The following ARL2 variants were observed in gnomAD, a reference collection of about 807,000 sequenced individuals.
ARL2 encodes ADP-ribosylation factor-like protein 2.
In ARL2, 11 loss-of-function variants were observed where a neutral mutation model predicts 22.0. The observed-to-expected ratio is 0.50, with a 90% CI of 0.31 to 0.83. ARL2 has a LOEUF of 0.83. Among genes scored for constraint, ARL2 ranks in the 40% least tolerant of loss-of-function variants. The probability of loss-of-function intolerance (pLI) is 0.04; values close to 1 mark genes in which losing one functional copy is unlikely to be tolerated. For missense variants in ARL2, 216 were observed against 243.2 expected, an observed-to-expected ratio of 0.89 and a Z score of 0.74; for synonymous variants, 111 against 100.8, an observed-to-expected ratio of 1.10 and a Z score of -0.61.
Position 65,021,898 on chromosome 11 carries a change from C to T in ARL2, c.*43C>T. ...CCACCTAGCAGTCCAGGTCCCTCAA[C>T]CTTCACCAAACACTACCCATGGGGG... is the stretch of plus-strand genomic sequence containing the variant. On this transcript the variant is annotated 3_prime_UTR_variant, in exon 5 of 5. Transcript: ENST00000246747. The T allele has an allele frequency of 1.3e-6, 2 of 1,592,180 alleles. No individual in the cohort carries two copies. The highest frequency in any genetic ancestry group is 1.7e-6 in the Non-Finnish European group (2 of 1,168,786).
rs751817327 is a variant in ARL2, at chr11:65,014,165, G to C, written c.-43G>C. Reference sequence around the variant, plus strand: ...CAACAGGAACCGGGAGCGGGGTCCCGGGACTGGGAAGAAACGGCGGCCGGG... The same window carrying C: ...CAACAGGAACCGGGAGCGGGGTCCCCGGACTGGGAAGAAACGGCGGCCGGG... On this transcript the variant is annotated 5_prime_UTR_variant, in exon 1 of 5. Coordinates refer to ENST00000246747, the MANE Select transcript of ARL2 (RefSeq NM_001667.4). The C allele has an allele frequency of 2.3e-5, 34 of 1,486,174 alleles. No homozygotes were observed. The highest frequency in any genetic ancestry group is 3.0e-5 in the Non-Finnish European group (33 of 1,103,364). 92.1% of individuals were successfully genotyped at this position (1,486,174 alleles called of 1,614,324 possible).
Position 65,018,995 on chromosome 11 carries a change from C to A in ARL2, c.339+262C>A. The A allele has an allele frequency of 7.1e-7, 1 of 1,415,420 alleles. No homozygotes were observed. Among genetic ancestry groups the A allele is most frequent in the Non-Finnish European group, 9.4e-7 (1 of 1,063,468 alleles). The allele number at this position is 1,415,420 out of a possible 1,614,324, so 87.7% of individuals were successfully genotyped here. ...GAAATGGTGATGATGACACCCACAT[C>A]ACTGGGCTTTAGGGAGGATAACCCA... On this transcript the variant is annotated intron_variant, in intron 3 of 4. Coordinates refer to ENST00000246747, the MANE Select transcript of ARL2 (RefSeq NM_001667.4). The surrounding 1 kb of genome is among the most constrained non-coding windows in gnomAD (Gnocchi z 4.2).
rs1188714826 is a variant in ARL2, at chr11:65,021,781, A to T, written c.481A>T (p.Thr161Ser). The change falls in exon 5 of 5, where the codon ACC becomes TCC. Residue 161 changes from threonine (T) to serine (S), a missense_variant. By Grantham distance (58) the Thr-to-Ser change is moderately conservative. Coordinates refer to ENST00000246747, the MANE Select transcript of ARL2 (RefSeq NM_001667.4). ...HWCIQGCSAV[T>S]GENLLPGIDW... Reference sequence around the variant, plus strand: ...GTGCATCCAGGGCTGCAGCGCCGTCACCGGGGAGAACCTGCTGCCGGGCAT... The same window carrying T: ...GTGCATCCAGGGCTGCAGCGCCGTCTCCGGGGAGAACCTGCTGCCGGGCAT... 1 of 1,613,060 alleles carries T rather than the reference A, an allele frequency of 6.2e-7. No individual in the cohort carries two copies. The highest frequency in any genetic ancestry group is 8.5e-7 in the Non-Finnish European group (1 of 1,179,930).
intron 1 of ARL2, among the ~76,000 whole-genome samples, chr11:65,014,884 G>A (rs1012423536): frequency 6.6e-6 from 1 of 152,246 alleles, no homozygotes; most frequent in Non-Finnish European, 1.5e-5. Context: ...GGCTCCGCGG[G>A]GGAATGGCTG....
intron 1 of ARL2, among the ~76,000 whole-genome samples, chr11:65,017,904 T>C (rs1946277494): frequency 6.6e-6 from 1 of 152,246 alleles, no homozygotes; most frequent in Non-Finnish European, 1.5e-5. Context: ...TTCAAAAAGC[T>C]TGCTCCTTGT....
Position 65,018,699 on chromosome 11 carries a change from G to T in ARL2, c.305G>T (p.Cys102Phe). 1 of 1,614,160 alleles carries T rather than the reference G, an allele frequency of 6.2e-7. No homozygotes were observed. The change falls in exon 3 of 5, where the codon TGC (cysteine) becomes TTC (phenylalanine). Residue 102 changes from cysteine to phenylalanine, a missense_variant. Cys to Phe is a radical substitution (Grantham distance 205). Coordinates refer to ENST00000246747, the MANE Select transcript of ARL2 (RefSeq NM_001667.4). This position sits in a 1 kb window ranked among gnomAD's most constrained non-coding sequence, Gnocchi z 4.2. ...GCAGACCGCCAGCGCATGCAGGACT[G>T]CCAGCGGGAGCTCCAGAGCCTGCTG... is the stretch of plus-strand genomic sequence containing the variant. ...DSADRQRMQD[C>F]QRELQSLLVE...
intron 4 of ARL2, among the ~76,000 whole-genome samples, chr11:65,020,869 C>CAAAAAAAAAAAAA (rs58186585): frequency 1.5e-5 from 1 of 68,096 alleles, no homozygotes; most frequent in South Asian, 4.3e-4. Flanking sequence ...GACTTCGTCT[C>CAAAAAAAAAAAAA]AAAAAAAAAA....
At chr11:65,019,111 C>T (rs1590731254) in intron 3 of ARL2, 1 of 416,274 alleles carries the variant, frequency 2.4e-6, no homozygotes, top group East Asian at 7.0e-5. Context: ...GTGGCACGCA[C>T]CTATAGTCCT....
intron 1 of ARL2, among the ~76,000 whole-genome samples, chr11:65,014,907 G>T (rs1312608090): frequency 6.6e-6 from 1 of 152,230 alleles, no homozygotes; most frequent in Non-Finnish European, 1.5e-5. Context: ...GAGATAAGAC[G>T]CTTACGTGCA....
At chr11:65,014,790 T>G (rs1000042185) in intron 1 of ARL2, among the ~76,000 whole-genome samples, 4 of 152,184 alleles carry the variant, frequency 2.6e-5, no homozygotes, top group African/African-American at 9.7e-5. Flanking sequence ...AGGATGTGTG[T>G]GTGTGGGCCC....
At position 65,020,525 on chromosome 11, in the gene ARL2, C is replaced by T. The variant is rs560909889; in HGVS notation, c.420+26C>T. ...GTGAGTCCAGGCCCCGGGACAGGCTCGCTGAGGGAAAGGGGCATACATTTA... is the reference window on the plus strand; with the variant it reads ...GTGAGTCCAGGCCCCGGGACAGGCTTGCTGAGGGAAAGGGGCATACATTTA... On this transcript the variant is annotated intron_variant, in intron 4 of 4. Coordinates refer to ENST00000246747, the MANE Select transcript of ARL2 (RefSeq NM_001667.4). 22 of 1,575,532 alleles carry T rather than the reference C, an allele frequency of 1.4e-5. 1 individual carries two copies. The highest frequency in any genetic ancestry group is 9.1e-5 in the South Asian group (8 of 87,740).
chr11:65,021,881 C>T lies in ARL2; in HGVS notation c.*26C>T. ...ACCACTCCAGATGCCCCCCACCTAG[C>T]AGTCCAGGTCCCTCAACCTTCACCA... is the stretch of plus-strand genomic sequence containing the variant. On this transcript the variant is annotated 3_prime_UTR_variant, in exon 5 of 5. Transcript: ENST00000246747. 8.1e-6 allele frequency: 13 copies of T among 1,601,524 alleles called. No homozygotes were observed. The highest frequency in any genetic ancestry group is 1.1e-5 in the Non-Finnish European group (13 of 1,173,572).
chr11:65,018,237 T>G lies in ARL2; in HGVS notation c.66-127T>G. ...ACTTTCATATTTATTGTGGGCCGAT[T>G]ATGGTCAGGCATGTGCTCAACTCAG... On this transcript the variant is annotated intron_variant, in intron 1 of 4. Coordinates refer to ENST00000246747, the MANE Select transcript of ARL2 (RefSeq NM_001667.4). This position sits in a 1 kb window ranked among gnomAD's most constrained non-coding sequence, Gnocchi z 4.2. 1 of 692,156 alleles carries G rather than the reference T, an allele frequency of 1.4e-6. No individual in the cohort carries two copies. Among genetic ancestry groups the G allele is most frequent in the Non-Finnish European group, 2.4e-6 (1 of 411,752 alleles). The allele number at this position is 692,156 out of a possible 1,614,324, so 42.9% of individuals were successfully genotyped here.
At chr11:65,021,648 G>T (rs2136913783) in intron 4 of ARL2, 73 bp from the exon 5 acceptor site, 1 of 1,500,718 alleles carries the variant, frequency 6.7e-7, no homozygotes, top group East Asian at 2.4e-5. Flanking sequence ...CTCTGGGCTG[G>T]GGAGGGAAGG....
At chr11:65,021,546 T>G in intron 4 of ARL2, 175 bp from the exon 5 acceptor site, 1 of 698,950 alleles carries the variant, frequency 1.4e-6, no homozygotes, top group Non-Finnish European at 2.3e-6. Flanking sequence ...AGAGCCCAGG[T>G]GCCCCTGGGG....
chr11:65,018,539 G>A lies in ARL2; in HGVS notation c.177-32G>A, dbSNP rs750050216. The A allele has an allele frequency of 1.2e-6, 2 of 1,602,042 alleles. No individual in the cohort carries two copies. Among genetic ancestry groups the A allele is most frequent in the South Asian group, 2.2e-5 (2 of 89,336 alleles). On this transcript the variant is annotated intron_variant, in intron 2 of 4. Coordinates refer to ENST00000246747, the MANE Select transcript of ARL2 (RefSeq NM_001667.4). The surrounding 1 kb of genome is among the most constrained non-coding windows in gnomAD (Gnocchi z 4.2). The stretch of plus-strand genomic sequence containing the variant: ...GCAGGGAAGGTGGGAGAGGGGCCCA[G>A]CTGACCCTCCTGTCACCCGCTCCTT...
chr11:65,021,208 T>C (rs1289787890), intron 4 of ARL2, among the ~76,000 whole-genome samples: 7 of 152,218 alleles, frequency 4.6e-5, no homozygotes, highest in African/African-American at 1.7e-4. Context: ...AGCCACTAAA[T>C]AGACAGGAAG....
At chr11:65,017,633 C>T (rs1590730051) in intron 1 of ARL2, among the ~76,000 whole-genome samples, 2 of 152,246 alleles carry the variant, frequency 1.3e-5, no homozygotes, top group African/African-American at 4.8e-5. Context: ...TAAGGCTGGG[C>T]CTCAGGGGAA....
chr11:65,021,921 G>A lies in ARL2; in HGVS notation c.*66G>A, dbSNP rs531231757. The A allele has an allele frequency of 2.6e-6, 4 of 1,564,154 alleles. No homozygotes were observed. Among genetic ancestry groups the A allele is most frequent in the African/African-American group, 2.7e-5 (2 of 74,428 alleles). ...AACCTTCACCAAACACTACCCATGG[G>A]GGGTTGGGAGTCAGCCGGCCAAACT... On this transcript the variant is annotated 3_prime_UTR_variant, in exon 5 of 5. Transcript: ENST00000246747.
Sources: gnomAD v4.1 joint callset for allele counts (sites outside exome capture counted in the v4.1 genomes callset) on GRCh38, gnomAD v4.1.1 for gene constraint, Gnocchi (gnomAD v3.1) non-coding constraint, MANE v1.5 for transcripts, NCBI Gene and HGNC (gene_info 2026-07-23, HGNC 2026-07-21) for gene names.